Variants in KIF26B observed in about 807,000 individuals in gnomAD.
KIF26B encodes kinesin-like protein KIF26B.
A neutral mutation model predicts 151.2 loss-of-function variants in KIF26B; 63 were observed. That is an observed-to-expected ratio of 0.42 (90% CI 0.34 to 0.51). KIF26B has a LOEUF of 0.51. Ranked by LOEUF, KIF26B falls within the 20% of genes least tolerant of loss-of-function variation. KIF26B has a pLI of 0.07. For synonymous variants in KIF26B, 1,357 were observed against 1,262.1 expected (o/e 1.08, Z -1.59); for missense variants, 2,813 against 2,913.6 (o/e 0.97, Z 0.79).
At chr1:245,203,441 T>C (rs1012706991) in intron 2 of KIF26B, among the ~76,000 whole-genome samples, 4 of 152,144 alleles carry the variant, frequency 2.6e-5, no homozygotes, top group Non-Finnish European at 4.4e-5. Flanking sequence ...CAGATATCTG[T>C]TGATTATCTT....
chr1:245,261,523 C>G (rs1425901030), intron 2 of KIF26B, among the ~76,000 whole-genome samples: 2 of 141,312 alleles, frequency 1.4e-5, no homozygotes, highest in African/African-American at 5.1e-5. Flanking sequence ...CTCCCTCCCT[C>G]TCTCTCCCTC....
rs368681012 is a variant in KIF26B, at chr1:245,362,455, T to A, written c.466-4379T>A. On this transcript the variant is annotated intron_variant, in intron 2 of 14. Transcript: ENST00000407071. The stretch of plus-strand genomic sequence containing the variant: ...CAGGAGGCTGAGGCAGGAGAATCAC[T>A]TGAACCAGGGAGGCGGAGGTTGCAG... Among the ~76,000 whole-genome samples, 63 of 151,576 alleles carry A rather than the reference T, an allele frequency of 4.2e-4. No individual in the cohort carries two copies. In the South Asian group the frequency reaches 0.013, roughly 31 times the overall value.
intron 2 of KIF26B, among the ~76,000 whole-genome samples, chr1:245,325,838 G>A (rs544870714): frequency 2.0e-5 from 3 of 152,178 alleles, no homozygotes; most frequent in African/African-American, 7.2e-5. Flanking sequence ...TGTGGCGGAG[G>A]GGGGGTGGTA....
intron 9 of KIF26B, among the ~76,000 whole-genome samples, chr1:245,633,518 A>G (rs573405295): frequency 6.6e-6 from 1 of 151,616 alleles, no homozygotes; most frequent in East Asian, 2.0e-4. Flanking sequence ...TCATTCGTGT[A>G]TCTGCTCTCC....
intron 4 of KIF26B, among the ~76,000 whole-genome samples, chr1:245,484,763 C>CATATTATTA (rs1273792940): frequency 3.8e-4 from 48 of 124,688 alleles, no homozygotes; most frequent in Non-Finnish European, 7.2e-4. Flanking sequence ...TCTTCTTCTT[C>CATATTATTA]TTCATATTAT....
intron 9 of KIF26B, among the ~76,000 whole-genome samples, chr1:245,637,733 C>T (rs1417496694): frequency 2.0e-5 from 3 of 151,976 alleles, no homozygotes; most frequent in Non-Finnish European, 4.4e-5. Flanking sequence ...ATCCAGTTTT[C>T]CCAGCACCAT....
intron 3 of KIF26B, among the ~76,000 whole-genome samples, chr1:245,389,192 C>CA (rs1673626306): frequency 6.6e-6 from 1 of 152,148 alleles, no homozygotes; most frequent in Admixed American, 6.5e-5. Context: ...CGGCTCACTG[C>CA]AACCTCTACC....
intron 2 of KIF26B, among the ~76,000 whole-genome samples, chr1:245,198,032 G>T (rs374802084): frequency 7.9e-5 from 12 of 152,162 alleles, no homozygotes; most frequent in Admixed American, 2.0e-4. Flanking sequence ...ATCCTGTCTT[G>T]TCTCTTCCTC....
chr1:245,416,649 G>A (rs997712672), intron 3 of KIF26B, among the ~76,000 whole-genome samples: 5 of 152,192 alleles, frequency 3.3e-5, no homozygotes, highest in Non-Finnish European at 5.9e-5. Context: ...AAGGCTTCTC[G>A]GAGGAAGTGA....
intron 4 of KIF26B, among the ~76,000 whole-genome samples, chr1:245,539,585 A>G (rs973700906): frequency 6.6e-6 from 1 of 152,200 alleles, no homozygotes; most frequent in Non-Finnish European, 1.5e-5. Context: ...AGTCTGTGAA[A>G]TGCCTTCGCC....
intron 2 of KIF26B, among the ~76,000 whole-genome samples, chr1:245,195,447 AT>A (rs1453093182): frequency 6.6e-6 from 1 of 152,132 alleles, no homozygotes; most frequent in Non-Finnish European, 1.5e-5. Flanking sequence ...CGCTAGGTGG[AT>A]TATGGTCTTT....
At chr1:245,478,390 A>G (rs1479432617) in intron 4 of KIF26B, among the ~76,000 whole-genome samples, 1 of 149,476 alleles carries the variant, frequency 6.7e-6, no homozygotes, top group Non-Finnish European at 1.5e-5. Flanking sequence ...CCTGTGTGAA[A>G]TGGGAACCAT....
At chr1:245,502,954 C>T (rs1344860721) in intron 4 of KIF26B, among the ~76,000 whole-genome samples, 4 of 151,452 alleles carry the variant, frequency 2.6e-5, no homozygotes, top group South Asian at 4.2e-4. Context: ...CTCTGCCTCT[C>T]GGGTTCAAGT....
At chr1:245,608,160 C>T (rs952088937) in intron 7 of KIF26B, among the ~76,000 whole-genome samples, 6 of 152,156 alleles carry the variant, frequency 3.9e-5, no homozygotes, top group African/African-American at 1.4e-4. Flanking sequence ...AAGCAAAGCC[C>T]AGAGCCCAGG....
intron 2 of KIF26B, among the ~76,000 whole-genome samples, chr1:245,240,370 T>C (rs1365461688): frequency 6.6e-6 from 1 of 152,206 alleles, no homozygotes; most frequent in African/African-American, 2.4e-5. Context: ...TTAGTGTATA[T>C]ACCTCAGTGT....
intron 4 of KIF26B, among the ~76,000 whole-genome samples, chr1:245,474,736 C>T (rs12730137): frequency 0.06 from 9,113 of 151,846 alleles, 465 homozygotes; most frequent in Non-Finnish European, 0.08. Flanking sequence ...CTTATTTCTT[C>T]TAGCACACTG....
At chr1:245,186,099 C>T (rs1668996456) in intron 2 of KIF26B, among the ~76,000 whole-genome samples, 1 of 151,974 alleles carries the variant, frequency 6.6e-6, no homozygotes, top group African/African-American at 2.4e-5. Context: ...GGTCTCGAAC[C>T]CCTTACCTCG....
intron 5 of KIF26B, among the ~76,000 whole-genome samples, chr1:245,562,426 G>T (rs1157856622): frequency 6.6e-6 from 1 of 152,100 alleles, no homozygotes; most frequent in Non-Finnish European, 1.5e-5. Flanking sequence ...TGGCTCCGTG[G>T]TGACGGCACA....
At chr1:245,474,989 A>C (rs1042810025) in intron 4 of KIF26B, among the ~76,000 whole-genome samples, 1 of 151,030 alleles carries the variant, frequency 6.6e-6, no homozygotes, top group African/African-American at 2.4e-5. Context: ...TAAAACAAAC[A>C]AAAAAAAATT....
Sources: allele counts gnomAD v4.1 joint callset (sites outside exome capture counted in the v4.1 genomes callset), GRCh38; gene constraint gnomAD v4.1.1; transcripts MANE v1.5; gene names NCBI Gene and HGNC (gene_info 2026-07-23, HGNC 2026-07-21).